Variants in SERPINI2 observed in about 807,000 individuals in gnomAD.
SERPINI2 encodes the protein serpin I2.
Under a neutral mutation model 47.3 loss-of-function variants are expected in SERPINI2, and 48 were observed. The observed-to-expected ratio is 1.02, with a 90% CI of 0.81 to 1.29. The LOEUF is 1.29. Among genes scored for constraint, SERPINI2 ranks in the 50% most tolerant of loss-of-function variants. The pLI is 0.00. For missense variants in SERPINI2, 448 were observed against 456.9 expected (o/e 0.98, Z 0.18); for synonymous variants, 135 against 149.3 (o/e 0.90, Z 0.70).
intron 2 of SERPINI2, among the ~76,000 whole-genome samples, chr3:167,470,342 T>C (rs1234277660): frequency 6.6e-6 from 1 of 152,110 alleles, no homozygotes; most frequent in African/African-American, 2.4e-5. Flanking sequence ...GCAAATAAAA[T>C]CTTGTAAATA....
Position 167,453,031 on chromosome 3 carries a change from A to T in SERPINI2, c.869T>A (p.Phe290Tyr). The T allele has an allele frequency of 6.5e-7, 1 of 1,529,848 alleles. No homozygotes were observed. The highest frequency in any genetic ancestry group is 8.9e-7 in the Non-Finnish European group (1 of 1,127,786). 94.8% of individuals were successfully genotyped at this position (1,529,848 alleles called of 1,614,324 possible). A position where few individuals can be genotyped will look rare whatever the true frequency, so the allele number is the denominator to read the frequency against. ...GAAGTCTACTTTTTGTTCTACTTTA[A>T]ATCTGTTATTAAAAAAAAAAGAAAA... The change falls in exon 6 of 9, where the codon TTT becomes TAT. Residue 290 changes from phenylalanine (F) to tyrosine (Y), a missense_variant and splice_region_variant. By Grantham distance (22) the Phe-to-Tyr change is conservative (BLOSUM62 3). Coordinates refer to ENST00000264677, the Ensembl canonical transcript of SERPINI2.
At chr3:167,442,980 T>A (rs1384684514) in intron 8 of SERPINI2, among the ~76,000 whole-genome samples, 1 of 152,252 alleles carries the variant, frequency 6.6e-6, no homozygotes, top group East Asian at 1.9e-4. Flanking sequence ...TTTAAATGCA[T>A]TTGAAATAAT....
rs555948215 is a variant in SERPINI2 at position 167,464,009 on chromosome 3, C to CTTTTTTTT, written c.866+1189_866+1196dup. On this transcript the variant is annotated intron_variant, in intron 5 of 8. Transcript: ENST00000264677. The stretch of plus-strand genomic sequence containing the variant: ...TGCAGTAGTTGAAGAACAGGAGTGG[C>CTTTTTTTT]TTTTTTTTTTTTTTTTTTTTTGGAT... 1.5e-3 allele frequency among the ~76,000 whole-genome samples: 137 copies of CTTTTTTTT among 93,268 alleles called. 8 individuals are homozygous for CTTTTTTTT. The highest frequency in any genetic ancestry group is 2.1e-3 in the Non-Finnish European group (104 of 48,404). The allele number at this position is 93,268 out of a possible 152,430, so 61.2% of individuals were successfully genotyped here.
At chr3:167,451,063 G>A (rs12495408) in intron 6 of SERPINI2, among the ~76,000 whole-genome samples, 27,432 of 152,006 alleles carry the variant, frequency 0.18, 3,673 homozygotes, top group African/African-American at 0.39. Flanking sequence ...AAAACAATAC[G>A]TTTGCTAGAT....
At chr3:167,464,008 G>GTTTTTT (rs1750059711) in intron 5 of SERPINI2, among the ~76,000 whole-genome samples, 8 of 115,368 alleles carry the variant, frequency 6.9e-5, no homozygotes, top group African/African-American at 1.3e-4. Context: ...AACAGGAGTG[G>GTTTTTT]CTTTTTTTTT....
intron 6 of SERPINI2, 67 bp from the exon 7 acceptor site, chr3:167,449,469 C>A: frequency 2.5e-6 from 2 of 800,266 alleles, no homozygotes; most frequent in Non-Finnish European, 3.9e-6. Flanking sequence ...CCTATTAGAT[C>A]TCAATTAATT....
intron 3 of SERPINI2, 149 bp downstream of exon 3, chr3:167,466,906 T>G: frequency 2.3e-6 from 1 of 433,306 alleles, no homozygotes. Context: ...AATTTAATAT[T>G]AATTTAAATA....
chr3:167,472,640 A>AAAT (rs1246697141), intron 1 of SERPINI2, among the ~76,000 whole-genome samples: 1 of 151,908 alleles, frequency 6.6e-6, no homozygotes, highest in Non-Finnish European at 1.5e-5. Context: ...AAATAAAATG[A>AAAT]AATATAATAT....
intron 8 of SERPINI2, 100 bp from the exon 9 acceptor site, chr3:167,442,285 T>C: frequency 1.2e-6 from 1 of 824,626 alleles, no homozygotes; most frequent in Non-Finnish European, 1.8e-6. Flanking sequence ...ATTTGGTCTT[T>C]TTTCTCTGTA....
chr3:167,449,063 C>A (rs976535800), intron 7 of SERPINI2, among the ~76,000 whole-genome samples: 1 of 152,146 alleles, frequency 6.6e-6, no homozygotes, highest in African/African-American at 2.4e-5. Context: ...ACAGGTAATC[C>A]AATTCGCAAG....
intron 8 of SERPINI2, among the ~76,000 whole-genome samples, chr3:167,443,973 TA>T (rs1347891168): frequency 6.6e-6 from 1 of 152,136 alleles, no homozygotes; most frequent in East Asian, 1.9e-4. Flanking sequence ...TCAATATATT[TA>T]TACAACATCT....
chr3:167,467,045 G>A lies in SERPINI2; in HGVS notation c.478+10C>T. ...GCAAATAATAATTTTATGAAAATGG[G>A]AAACTTTACCATCTGTTTTTCTTTC... On this transcript the variant is annotated intron_variant, in intron 3 of 8. Coordinates refer to ENST00000264677, the Ensembl canonical transcript of SERPINI2. The A allele has an allele frequency of 6.4e-7, 1 of 1,568,988 alleles. No homozygotes were observed. The highest frequency in any genetic ancestry group is 8.7e-7 in the Non-Finnish European group (1 of 1,150,544).
At chr3:167,472,359 A>G (rs1437445043) in intron 1 of SERPINI2, among the ~76,000 whole-genome samples, 1 of 152,036 alleles carries the variant, frequency 6.6e-6, no homozygotes, top group Non-Finnish European at 1.5e-5. Flanking sequence ...AACTTTTTAC[A>G]ATTTTCCTCA....
chr3:167,467,393 T>A, intron 2 of SERPINI2, 108 bp from the exon 3 acceptor site: 2 of 694,826 alleles, frequency 2.9e-6, no homozygotes, highest in South Asian at 3.9e-5. Context: ...TTTTGCACCC[T>A]TAGGTATAAC....
chr3:167,468,112 A>T (rs999631106), intron 2 of SERPINI2, among the ~76,000 whole-genome samples: 2 of 152,204 alleles, frequency 1.3e-5, no homozygotes, highest in African/African-American at 4.8e-5. Flanking sequence ...CTTCTGGCTT[A>T]ATCTTAGAAC....
intron 5 of SERPINI2, among the ~76,000 whole-genome samples, chr3:167,463,379 G>C (rs1237535707): frequency 6.6e-6 from 1 of 152,096 alleles, no homozygotes; most frequent in Non-Finnish European, 1.5e-5. Context: ...TGGGGTTAGA[G>C]ACTCAGATTT....
intron 5 of SERPINI2, among the ~76,000 whole-genome samples, chr3:167,459,078 G>GT (rs536122299): frequency 0.074 from 10,317 of 138,924 alleles, 975 homozygotes; most frequent in African/African-American, 0.22. Flanking sequence ...GTTTTTTTTT[G>GT]TTTTTTTTTT....
chr3:167,456,416 A>G lies in SERPINI2; in HGVS notation c.867-3383T>C, dbSNP rs956960511. On this transcript the variant is annotated intron_variant, in intron 5 of 8. Transcript: ENST00000264677. The stretch of plus-strand genomic sequence containing the variant: ...CCTTCCTGCCACCCACACACAATTT[A>G]CATTCACCCACTTATAGATCCAAGG... Among the ~76,000 whole-genome samples the G allele has an allele frequency of 3.3e-5, 5 of 152,130 alleles. No homozygotes were observed. In the East Asian group the frequency reaches 7.7e-4, roughly 23 times the overall value.
At chr3:167,459,114 G>A (rs922519183) in intron 5 of SERPINI2, among the ~76,000 whole-genome samples, 2 of 144,754 alleles carry the variant, frequency 1.4e-5, no homozygotes, top group East Asian at 2.0e-4. Flanking sequence ...TCGCTCTGTC[G>A]CCCAGGCTGG....
Sources: allele counts gnomAD v4.1 joint callset (sites outside exome capture counted in the v4.1 genomes callset), GRCh38; gene constraint gnomAD v4.1.1; transcripts MANE v1.5; gene names NCBI Gene and HGNC (gene_info 2026-07-23, HGNC 2026-07-21).